Variants in TNXB observed in about 807,000 individuals in gnomAD.
TNXB encodes tenascin XB, also known as tenascin-X.
Under a neutral mutation model 340.5 loss-of-function variants are expected in TNXB, and 183 were observed. The observed-to-expected ratio is 0.54, with a 90% CI of 0.48 to 0.61. The LOEUF is 0.61. Ranked by LOEUF, TNXB falls within the 20% of genes least tolerant of loss-of-function variation. The probability of loss-of-function intolerance (pLI) is 0.00; values close to 1 mark genes in which losing one functional copy is unlikely to be tolerated. For missense variants in TNXB, 4,613 were observed against 5,446.4 expected, an observed-to-expected ratio of 0.85 and a Z score of 4.82; for synonymous variants, 2,121 against 2,314.5, an observed-to-expected ratio of 0.92 and a Z score of 2.40.
Position 32,095,677 on chromosome 6 carries a change from G to A in TNXB, c.2176C>T (p.Arg726Ter). The part of the protein sequence containing the change: ...IQTCPGDCRG[R>*]GECHDGSCVC... Reference sequence around the variant, plus strand: ...CAGCTGCCATCGTGACACTCTCCTCGGCCACGGCAGTCCCCTGGGCATGTC... The same window carrying A: ...CAGCTGCCATCGTGACACTCTCCTCAGCCACGGCAGTCCCCTGGGCATGTC... Residue 726 changes from arginine (R) to a stop codon, truncating the protein, a stop_gained, in exon 3 of 44, where the codon CGA becomes TGA. Coordinates refer to ENST00000644971, the MANE Select transcript of TNXB (RefSeq NM_001365276.2). LOFTEE classifies it high-confidence loss of function. 6.8e-6 allele frequency: 11 copies of A among 1,613,952 alleles called. No homozygotes were observed. Among genetic ancestry groups the A allele is most frequent in the Non-Finnish European group, 9.3e-6 (11 of 1,179,888 alleles).
intron 24 of TNXB, among the ~76,000 whole-genome samples, chr6:32,054,571 C>T (rs1386581520): frequency 6.6e-6 from 1 of 152,220 alleles, no homozygotes; most frequent in Non-Finnish European, 1.5e-5. Context: ...CAAGCTAAGG[C>T]CTGCCTGGCC....
rs780534506 is a variant in TNXB, at chr6:32,098,150, G to C, written c.49C>G (p.Leu17Val). Reference sequence around the variant, plus strand: ...GGGCCTGCTCTGGCTGTGCTCAGCAGCACCAGGAGAACCAGGCTGGAGGTT... The same window carrying C: ...GGGCCTGCTCTGGCTGTGCTCAGCACCACCAGGAGAACCAGGCTGGAGGTT... Reference protein sequence around the residue: ...ALTSSLVLLVLLSTARAGPFS... With the variant: ...ALTSSLVLLVVLSTARAGPFS... Residue 17 changes from leucine to valine, a missense_variant, in exon 2 of 44, where the codon CTG becomes GTG. Leu to Val is a conservative substitution (Grantham distance 32). Coordinates refer to ENST00000644971, the MANE Select transcript of TNXB (RefSeq NM_001365276.2). The C allele has an allele frequency of 3.2e-6, 5 of 1,571,448 alleles. No individual in the cohort carries two copies. Among genetic ancestry groups the C allele is most frequent in the South Asian group, 1.1e-5 (1 of 87,178 alleles).
chr6:32,084,617 G>T lies in TNXB; in HGVS notation c.3241C>A (p.Arg1081Ser). 1 of 1,604,946 alleles carries T rather than the reference G, an allele frequency of 6.2e-7. No homozygotes were observed. Among genetic ancestry groups the T allele is most frequent in the Non-Finnish European group, 8.5e-7 (1 of 1,176,738 alleles). The change falls in exon 8 of 44, where the codon CGC (arginine) becomes AGC (serine). Residue 1081 changes from arginine (R) to serine (S), a missense_variant. Transcript: ENST00000644971. This position sits in a 1 kb window ranked among gnomAD's most constrained non-coding sequence, Gnocchi z 5.5. ...TDRTSDSLLLRWTVPEGEFDS... is the reference protein window; with the variant it reads ...TDRTSDSLLLSWTVPEGEFDS... Reference sequence around the variant, plus strand: ...AACTCGCCCTCGGGGACCGTCCAGCGCAGGAGCAAGGAGTCGGAGGTCCTG... The same window carrying T: ...AACTCGCCCTCGGGGACCGTCCAGCTCAGGAGCAAGGAGTCGGAGGTCCTG...
chr6:32,095,080 G>T lies in TNXB; in HGVS notation c.2354C>A (p.Pro785His). 6.5e-7 allele frequency: 1 copy of T among 1,548,384 alleles called. No individual in the cohort carries two copies. Reference sequence around the variant, plus strand: ...GGAGCCTGGCATCTCTCTCACCGTGGGGATGAACTGAATTTCATAGGCATC... The same window carrying T: ...GGAGCCTGGCATCTCTCTCACCGTGTGGATGAACTGAATTTCATAGGCATC... ...PVDAYEIQFIPTTEGASPPFT... is the reference protein window; with the variant it reads ...PVDAYEIQFIHTTEGASPPFT... The change falls in exon 4 of 44, where the codon CCC becomes CAC. Residue 785 changes from proline (P) to histidine (H), a missense_variant. Physicochemically the swap from Pro to His is moderately conservative, Grantham distance 77. Around this residue, in one of 7 missense-constraint regions of TNXB, gnomAD observed 4,327 missense variants for 4,859.4 expected, o/e 0.89. Coordinates refer to ENST00000644971, the MANE Select transcript of TNXB (RefSeq NM_001365276.2).
chr6:32,057,350 T>C (rs1417739967), intron 22 of TNXB, among the ~76,000 whole-genome samples: 3 of 152,134 alleles, frequency 2.0e-5, no homozygotes, highest in Non-Finnish European at 4.4e-5. Flanking sequence ...CAGAGCATCT[T>C]TACCCTGAAT....
At position 32,053,381 on chromosome 6, in the gene TNXB, C is replaced by A. The variant is rs751909113; in HGVS notation, c.8791+7G>T. 9 of 1,611,656 alleles carry A rather than the reference C, an allele frequency of 5.6e-6. No homozygotes were observed. In the Admixed American group the frequency reaches 6.7e-5, roughly 12 times the overall value. ...GCCCCACTCTGGGGCTCCCATCGTA[C>A]ACTCACCTGTCACCCCAATGACAGA... is the stretch of plus-strand genomic sequence containing the variant. On this transcript the variant is annotated splice_region_variant and intron_variant, in intron 25 of 43. Transcript: ENST00000644971.
chr6:32,081,288 G>A lies in TNXB; in HGVS notation c.4042+80C>T, dbSNP rs1335643405. 7 of 1,367,758 alleles carry A rather than the reference G, an allele frequency of 5.1e-6. No homozygotes were observed. The African/African-American group carries it at 8.6e-5, about 17-fold the overall frequency. 84.7% of individuals were successfully genotyped at this position (1,367,758 alleles called of 1,614,324 possible). A position where few individuals can be genotyped will look rare whatever the true frequency, so the allele number is the denominator to read the frequency against. On this transcript the variant is annotated intron_variant, in intron 10 of 43. Coordinates refer to ENST00000644971, the MANE Select transcript of TNXB (RefSeq NM_001365276.2). This position sits in a 1 kb window ranked among gnomAD's most constrained non-coding sequence, Gnocchi z 5.1. ...TGAGCTGAGAAGGCGAAGATGGAGG[G>A]AGGCTGGAAGGAGCCCCAGCCAAGT...
intron 13 of TNXB, 121 bp downstream of exon 13, chr6:32,071,869 C>G: frequency 1.1e-6 from 1 of 871,622 alleles, no homozygotes; most frequent in Non-Finnish European, 1.7e-6. Context: ...ACTGTGCTAG[C>G]CCCATGTGGC....
intron 1 of TNXB, among the ~76,000 whole-genome samples, chr6:32,101,588 C>CTT (rs58601681): frequency 0.13 from 16,757 of 126,008 alleles, 1,575 homozygotes; most frequent in South Asian, 0.28. Flanking sequence ...CGCACCCAGC[C>CTT]TTTTTTTTTT....
In TNXB at chr6:32,055,850, C is replaced by A; in HGVS notation, c.8467+1G>T. The A allele has an allele frequency of 6.2e-7, 1 of 1,609,404 alleles. No individual in the cohort carries two copies. On this transcript the variant is annotated splice_donor_variant, in intron 24 of 43. Transcript: ENST00000644971. LOFTEE classifies it high-confidence loss of function. ...CATCTTCCTCACTCACAAACACTCA[C>A]CTGTCACACCCACGGTGGACACCGG... is the stretch of plus-strand genomic sequence containing the variant.
At chr6:32,099,729 A>G (rs1026983162) in intron 1 of TNXB, among the ~76,000 whole-genome samples, 1 of 151,842 alleles carries the variant, frequency 6.6e-6, no homozygotes, top group Non-Finnish European at 1.5e-5. Flanking sequence ...TCCAATTGAA[A>G]AAAAAAAAAC....
At position 32,060,106 on chromosome 6, in the gene TNXB, G is replaced by A. The variant is rs534535538; in HGVS notation, c.7492+1291C>T. 2.5e-3 allele frequency among the ~76,000 whole-genome samples: 379 copies of A among 151,906 alleles called. 13 individuals carry two copies. The highest frequency in any genetic ancestry group is 8.9e-3 in the African/African-American group (367 of 41,254). The stretch of plus-strand genomic sequence containing the variant: ...TCCCAGCACTTTGGGAGGCCGAGGC[G>A]GGCAGATCACCTGAGGTCAGGAGTT... On this transcript the variant is annotated intron_variant, in intron 21 of 43. Coordinates refer to ENST00000644971, the MANE Select transcript of TNXB (RefSeq NM_001365276.2).
chr6:32,094,095 C>CAA (rs9281649), intron 4 of TNXB, among the ~76,000 whole-genome samples: 622 of 28,968 alleles, frequency 0.021, 92 homozygotes, highest in East Asian at 0.069. Context: ...CTCTCTGTCT[C>CAA]AAAAAAAAAA....
intron 1 of TNXB, among the ~76,000 whole-genome samples, chr6:32,099,574 A>C (rs889935744): frequency 2.0e-5 from 3 of 152,072 alleles, no homozygotes; most frequent in African/African-American, 7.2e-5. Flanking sequence ...CCCTGGTTGA[A>C]GCTGGACTTG....
In TNXB at chr6:32,090,512, A is replaced by G. The variant is rs1780028168; in HGVS notation, c.2359-1133T>C. Among the ~76,000 whole-genome samples the G allele has an allele frequency of 6.6e-6, 1 of 152,174 alleles. No homozygotes were observed. ...TAAGGATGCTGTGTTCTGCCTAGCT[A>G]TGTTGGCTGTGATGGGGACACCTCC... On this transcript the variant is annotated intron_variant, in intron 4 of 43. Transcript: ENST00000644971. This position sits in a 1 kb window ranked among gnomAD's most constrained non-coding sequence, Gnocchi z 4.3.
In TNXB at chr6:32,089,376, C is replaced by T. The variant is rs761344131; in HGVS notation, c.2362G>A (p.Glu788Lys). Residue 788 changes from glutamate (E) to lysine (K), a missense_variant, in exon 5 of 44, where the codon GAG (glutamate) becomes AAG (lysine). Around this residue, in one of 7 missense-constraint regions of TNXB, gnomAD observed 4,327 missense variants for 4,859.4 expected, o/e 0.89. Transcript: ENST00000644971. This position sits in a 1 kb window ranked among gnomAD's most constrained non-coding sequence, Gnocchi z 6.2. ...GCTGTGAATGGGGGGCTCGCCCCCT[C>T]TGTCTGTGAGAGAGAGCACCAGGTG... ...AYEIQFIPTT[E>K]GASPPFTARV... 4 of 1,605,048 alleles carry T rather than the reference C, an allele frequency of 2.5e-6. No homozygotes were observed. Among genetic ancestry groups the T allele is most frequent in the East Asian group, 2.2e-5 (1 of 44,768 alleles).
chr6:32,079,002 G>A lies in TNXB; in HGVS notation c.4375+31C>T, dbSNP rs1171819889. On this transcript the variant is annotated intron_variant, in intron 11 of 43. Coordinates refer to ENST00000644971, the MANE Select transcript of TNXB (RefSeq NM_001365276.2). The surrounding 1 kb of genome is among the most constrained non-coding windows in gnomAD (Gnocchi z 7.1). ...GAAGCTGGGAGCCAGCAGTGGGAGG[G>A]AACCAAAGCAGGCCCCTGCCCCTCA... 1 of 1,592,110 alleles carries A rather than the reference G, an allele frequency of 6.3e-7. No homozygotes were observed. The highest frequency in any genetic ancestry group is 1.8e-5 in the Admixed American group (1 of 56,470).
intron 1 of TNXB, among the ~76,000 whole-genome samples, chr6:32,106,753 T>A (rs1781000735): frequency 6.6e-6 from 1 of 152,010 alleles, no homozygotes; most frequent in Admixed American, 6.5e-5. Context: ...CAGCCTGGAG[T>A]GTAGCCTTGG....
In TNXB at chr6:32,085,366, T is replaced by G. The variant is rs1198235065; in HGVS notation, c.3148+384A>C. On this transcript the variant is annotated intron_variant, in intron 7 of 43. Transcript: ENST00000644971. The surrounding 1 kb of genome is among the most constrained non-coding windows in gnomAD (Gnocchi z 6.4). ...GGGTCAGTGTCCAGAGGCCTTCCCA[T>G]GCCCACCCTGAAAGATTTATAGGGC... Among the ~76,000 whole-genome samples the G allele has an allele frequency of 6.6e-6, 1 of 152,084 alleles. No homozygotes were observed. The highest frequency in any genetic ancestry group is 1.5e-5 in the Non-Finnish European group (1 of 68,012).
Sources: allele counts gnomAD v4.1 joint callset (sites outside exome capture counted in the v4.1 genomes callset), GRCh38; gene constraint gnomAD v4.1.1; regional missense constraint gnomAD v4.1.1; non-coding constraint Gnocchi (gnomAD v3.1); transcripts MANE v1.5; gene names NCBI Gene and HGNC (gene_info 2026-07-23, HGNC 2026-07-21).